Variants in CELF2 observed in about 807,000 individuals in gnomAD.
The protein encoded by CELF2 is CUG triplet repeat RNA-binding protein 2.
In CELF2, 8 loss-of-function variants were observed where a neutral mutation model predicts 62.6. That is an observed-to-expected ratio of 0.13 (90% CI 0.07 to 0.23). CELF2 has a LOEUF of 0.23. Ranked by LOEUF, CELF2 falls within the 10% of genes least tolerant of loss-of-function variation. The pLI, the probability that CELF2 is intolerant of heterozygous loss-of-function variation, is 1.00. For synonymous variants in CELF2, 258 were observed against 250.0 expected (o/e 1.03, Z -0.30); for missense variants, 333 against 671.0 (o/e 0.50, Z 5.56).
At chr10:10,907,250 A>C (rs1200099187) in intron 1 of CELF2, among the ~76,000 whole-genome samples, 1 of 152,212 alleles carries the variant, frequency 6.6e-6, no homozygotes, top group African/African-American at 2.4e-5. Context: ...ATGGGGTGAA[A>C]AAGGTTAATG....
At chr10:10,831,468 C>T (rs748917735) in intron 1 of CELF2, among the ~76,000 whole-genome samples, 2 of 152,206 alleles carry the variant, frequency 1.3e-5, no homozygotes, top group Non-Finnish European at 2.9e-5. Flanking sequence ...CCTCAAGGAA[C>T]GTGTTGAGAA....
the CELF2 span, among the ~76,000 whole-genome samples, chr10:10,549,873 G>C: frequency 6.6e-6 from 1 of 152,200 alleles, no homozygotes; most frequent in Non-Finnish European, 1.5e-5. Context: ...GAAACAGTCT[G>C]AGATGACTAT....
chr10:11,094,697 C>T (rs2049296843), intron 1 of CELF2, among the ~76,000 whole-genome samples: 1 of 152,168 alleles, frequency 6.6e-6, no homozygotes, highest in African/African-American at 2.4e-5. Context: ...AAAAAGACTG[C>T]CCATCATGTG....
At position 11,270,408 on chromosome 10, in the gene CELF2, G is replaced by A. The variant is rs1369739689; in HGVS notation, c.619-258G>A. ...GAAGGAAGACACAGGAAGAGAAGGA[G>A]AGGCAGTTACTAATCAGAGCAAGAA... is the stretch of plus-strand genomic sequence containing the variant. On this transcript the variant is annotated intron_variant, in intron 6 of 12. Coordinates refer to ENST00000633077, the MANE Select transcript of CELF2 (RefSeq NM_001326342.2). This position sits in a 1 kb window ranked among gnomAD's most constrained non-coding sequence, Gnocchi z 5.8. Among the ~76,000 whole-genome samples, 1 of 152,098 alleles carries A rather than the reference G, an allele frequency of 6.6e-6. No homozygotes were observed. Among genetic ancestry groups the A allele is most frequent in the Non-Finnish European group, 1.5e-5 (1 of 68,020 alleles).
In CELF2 at chr10:11,157,188, G is replaced by T. The variant is rs993158060; in HGVS notation, c.75-8298G>T. Among the ~76,000 whole-genome samples the T allele has an allele frequency of 1.3e-5, 2 of 152,090 alleles. No homozygotes were observed. Among genetic ancestry groups the T allele is most frequent in the Non-Finnish European group, 2.9e-5 (2 of 68,016 alleles). ...TGCACATGACTGCCGTCGGCGCCAGGGTCTTTGCTGGTACTTCCGTGCCTC... is the reference window on the plus strand; with the variant it reads ...TGCACATGACTGCCGTCGGCGCCAGTGTCTTTGCTGGTACTTCCGTGCCTC... On this transcript the variant is annotated intron_variant, in intron 1 of 12. Transcript: ENST00000633077. The surrounding 1 kb of genome is among the most constrained non-coding windows in gnomAD (Gnocchi z 4.9).
At chr10:11,235,361 C>A (rs1053285758) in intron 3 of CELF2, among the ~76,000 whole-genome samples, 1 of 152,152 alleles carries the variant, frequency 6.6e-6, no homozygotes, top group South Asian at 2.1e-4. Flanking sequence ...CTGTGTTTAC[C>A]TTTGCCATTT....
At chr10:11,044,720 G>T (rs958722340) in intron 1 of CELF2, among the ~76,000 whole-genome samples, 6 of 152,054 alleles carry the variant, frequency 3.9e-5, no homozygotes, top group Admixed American at 3.9e-4. Context: ...ATATACTATT[G>T]TAATATTATA....
At chr10:10,644,061 C>T in the CELF2 span, among the ~76,000 whole-genome samples, 1 of 152,154 alleles carries the variant, frequency 6.6e-6, no homozygotes, top group African/African-American at 2.4e-5. Flanking sequence ...CCAAGCCTTG[C>T]CTTTGTTTTC....
intron 1 of CELF2, among the ~76,000 whole-genome samples, chr10:11,130,062 G>A (rs1030963754): frequency 4.6e-5 from 7 of 152,078 alleles, no homozygotes; most frequent in African/African-American, 1.4e-4. Flanking sequence ...CAGAGATTCT[G>A]GTACATTGTG....
At chr10:10,974,059 T>C (rs1238574768) in intron 2 of CELF2, among the ~76,000 whole-genome samples, 2 of 152,218 alleles carry the variant, frequency 1.3e-5, no homozygotes, top group Non-Finnish European at 2.9e-5. Context: ...TATACCAGAA[T>C]CTCAGCTCTC....
At chr10:10,649,779 G>A in the CELF2 span, among the ~76,000 whole-genome samples, 36 of 152,258 alleles carry the variant, frequency 2.4e-4, 1 homozygote, top group South Asian at 7.5e-3. Context: ...AGAAGGACCC[G>A]CGTGTAGTGT....
intron 1 of CELF2, among the ~76,000 whole-genome samples, chr10:11,154,131 T>G (rs1287443697): frequency 6.6e-6 from 1 of 152,236 alleles, no homozygotes; most frequent in African/African-American, 2.4e-5. Context: ...GTAATGATAT[T>G]CAGCTTCTTA....
intron 9 of CELF2, among the ~76,000 whole-genome samples, chr10:11,299,719 C>T (rs1409292353): frequency 6.6e-6 from 1 of 152,154 alleles, no homozygotes; most frequent in Non-Finnish European, 1.5e-5. Context: ...CACCACGAGA[C>T]AGTCCATATT....
At chr10:10,733,618 G>GA in the CELF2 span, among the ~76,000 whole-genome samples, 1 of 151,910 alleles carries the variant, frequency 6.6e-6, no homozygotes, top group African/African-American at 2.4e-5. Context: ...GGCTTGGGGG[G>GA]GCCTCACAAT....
the CELF2 span, among the ~76,000 whole-genome samples, chr10:10,546,816 T>A: frequency 2.0e-5 from 3 of 151,750 alleles, no homozygotes; most frequent in African/African-American, 7.3e-5. Context: ...TCCTTAAAAC[T>A]TCATATTCAG....
At chr10:10,486,047 A>T in the CELF2 span, among the ~76,000 whole-genome samples, 1 of 152,220 alleles carries the variant, frequency 6.6e-6, no homozygotes, top group Admixed American at 6.5e-5. Context: ...AGAATCATGG[A>T]AACATAGAAT....
chr10:10,739,869 G>A, the CELF2 span, among the ~76,000 whole-genome samples: 1 of 152,164 alleles, frequency 6.6e-6, no homozygotes, highest in Non-Finnish European at 1.5e-5. Context: ...TTTCGAGACT[G>A]TTGGTCATTT....
intron 1 of CELF2, among the ~76,000 whole-genome samples, chr10:10,897,404 T>G (rs117682808): frequency 0.019 from 2,905 of 151,896 alleles, 43 homozygotes; most frequent in Middle Eastern, 0.055. Context: ...CCAAGAAAAA[T>G]GTAGAAAATG....
rs932014740 is a variant in CELF2 at position 11,270,896 on chromosome 10, G to C, written c.777+72G>C. On this transcript the variant is annotated intron_variant, in intron 7 of 12. Coordinates refer to ENST00000633077, the MANE Select transcript of CELF2 (RefSeq NM_001326342.2). This position sits in a 1 kb window ranked among gnomAD's most constrained non-coding sequence, Gnocchi z 5.8. ...GCAAACTGACTTTTCCCCTCCCTAC[G>C]CTGAGGCATTTGTTTTCAGTACATT... 8.0e-7 allele frequency: 1 copy of C among 1,256,128 alleles called. No individual in the cohort carries two copies. Among genetic ancestry groups the C allele is most frequent in the African/African-American group, 1.5e-5 (1 of 65,104 alleles). 77.8% of individuals were successfully genotyped at this position (1,256,128 alleles called of 1,614,324 possible).
Sources: allele counts gnomAD v4.1 joint callset (sites outside exome capture counted in the v4.1 genomes callset), GRCh38; gene constraint gnomAD v4.1.1; non-coding constraint Gnocchi (gnomAD v3.1); transcripts MANE v1.5; gene names NCBI Gene and HGNC (gene_info 2026-07-23, HGNC 2026-07-21).